DCHS2: variants seen among roughly 807,000 people sequenced by gnomAD.
DCHS2 encodes the protein dachsous cadherin-related 2, also known as protocadherin-23.
Under a neutral mutation model 182.4 loss-of-function variants are expected in DCHS2, and 142 were observed. That is an observed-to-expected ratio of 0.78 (90% CI 0.68 to 0.89). The LOEUF (loss-of-function observed/expected upper bound fraction) is 0.89. DCHS2 is among the 40% of genes least tolerant of loss of function. The pLI, the probability that DCHS2 is intolerant of heterozygous loss-of-function variation, is 0.00. For missense variants in DCHS2, 4,319 were observed against 4,198.6 expected (o/e 1.03, Z -0.79); for synonymous variants, 1,740 against 1,663.3 (o/e 1.05, Z -1.12).
intron 13 of DCHS2, chr4:154,272,236 A>C (rs576146707): frequency 6.7e-6 from 1 of 149,960 alleles, no homozygotes; most frequent in East Asian, 2.0e-4. Flanking sequence ...ATTCATACAC[A>C]AGTGTGTGTG....
chr4:154,417,718 C>T (rs1732934232), intron 1 of DCHS2, among the ~76,000 whole-genome samples: 1 of 152,168 alleles, frequency 6.6e-6, no homozygotes, highest in Non-Finnish European at 1.5e-5. Flanking sequence ...AAAAAGTGTC[C>T]TGGTTCTGTG....
chr4:154,329,036 A>T (rs931589561), intron 6 of DCHS2, among the ~76,000 whole-genome samples: 1 of 152,238 alleles, frequency 6.6e-6, no homozygotes, highest in African/African-American at 2.4e-5. Flanking sequence ...AATGAAAAAG[A>T]TGAGATAATA....
chr4:154,259,812 T>A, intron 14 of DCHS2, 56 bp from the exon 15 acceptor site: 2 of 1,471,772 alleles, frequency 1.4e-6, no homozygotes, highest in Non-Finnish European at 1.8e-6. Context: ...TATTCTTTTA[T>A]TTTTTATTTT....
chr4:154,307,591 C>A (rs931790956), intron 10 of DCHS2, among the ~76,000 whole-genome samples: 9 of 152,214 alleles, frequency 5.9e-5, no homozygotes, highest in African/African-American at 1.9e-4. Flanking sequence ...ATTCCTCTAG[C>A]AACCTTGCAT....
At chr4:154,404,788 T>C (rs1185124775) in intron 1 of DCHS2, among the ~76,000 whole-genome samples, 1 of 152,254 alleles carries the variant, frequency 6.6e-6, no homozygotes, top group Non-Finnish European at 1.5e-5. Flanking sequence ...TCTGTGGTAA[T>C]AATTTTTGTC....
chr4:154,257,779 T>C (rs1403111788), intron 15 of DCHS2, among the ~76,000 whole-genome samples: 3 of 152,224 alleles, frequency 2.0e-5, no homozygotes, highest in African/African-American at 4.8e-5. Context: ...GCTAGCTTCC[T>C]GGGAACTCAA....
rs1204871792 is a variant in DCHS2 at position 154,451,185 on chromosome 4, G to A, written c.2052+38119C>T. On this transcript the variant is annotated intron_variant, in intron 1 of 19. Transcript: ENST00000357232. ...GATACAATGGCTTGAAGTGCCAGAGGCAGACAGGGATACTGTCTGGAGCCT... is the reference window on the plus strand; with the variant it reads ...GATACAATGGCTTGAAGTGCCAGAGACAGACAGGGATACTGTCTGGAGCCT... Among the ~76,000 whole-genome samples, 46 of 152,178 alleles carry A rather than the reference G, an allele frequency of 3.0e-4. 1 individual carries two copies. Among genetic ancestry groups the A allele is most frequent in the Admixed American group, 3.0e-3 (46 of 15,280 alleles).
At chr4:154,309,005 T>A (rs796460491) in intron 10 of DCHS2, among the ~76,000 whole-genome samples, 14 of 152,272 alleles carry the variant, frequency 9.2e-5, no homozygotes, top group African/African-American at 3.4e-4. Flanking sequence ...CTTACCACAG[T>A]CCACAAAGTC....
At position 154,366,429 on chromosome 4, in the gene DCHS2, C is replaced by T. The variant is rs765375386; in HGVS notation, c.2257G>A (p.Ala753Thr). 1.2e-6 allele frequency: 2 copies of T among 1,612,320 alleles called. No individual in the cohort carries two copies. The highest frequency in any genetic ancestry group is 4.5e-5 in the East Asian group (2 of 44,784). ...VEAKDGGGLS[A>T]QAFVRVDLED... ...AGGTCCACACGAACAAAGGCTTGGG[C>T]ACTTAGCCCACCCTGGTGGATGAAT... The change falls in exon 3 of 20, where the codon GCC becomes ACC. Residue 753 changes from alanine (A) to threonine (T), a missense_variant. Transcript: ENST00000357232.
chr4:154,490,958 C>A lies in DCHS2; in HGVS notation c.398G>T (p.Arg133Leu). Residue 133 changes from arginine (R) to leucine (L), a missense_variant, in exon 1 of 20, where the codon CGC becomes CTC. Physicochemically the swap from Arg to Leu is moderately radical, Grantham distance 102 (BLOSUM62 -2). Coordinates refer to ENST00000357232, the MANE Select transcript of DCHS2 (RefSeq NM_001358235.2). ...GAAGCTGTAGTGGTCCCGCCGCTCGCGGTCCAGGCGCCGCGCAGTGCGGAT... is the reference window on the plus strand; with the variant it reads ...GAAGCTGTAGTGGTCCCGCCGCTCGAGGTCCAGGCGCCGCGCAGTGCGGAT... ...GIIRTARRLD[R>L]ERRDHYSFVA... The A allele has an allele frequency of 6.4e-7, 1 of 1,550,396 alleles. No individual in the cohort carries two copies. The highest frequency in any genetic ancestry group is 8.7e-7 in the Non-Finnish European group (1 of 1,146,304).
intron 3 of DCHS2, chr4:154,354,957 G>A (rs1729791693): frequency 6.6e-6 from 1 of 151,738 alleles, no homozygotes. Context: ...GAAAATTTAG[G>A]AAGCTCCTAT....
At chr4:154,427,485 C>A (rs1439360630) in intron 1 of DCHS2, among the ~76,000 whole-genome samples, 1 of 152,236 alleles carries the variant, frequency 6.6e-6, no homozygotes, top group Non-Finnish European at 1.5e-5. Context: ...CCCGACCACG[C>A]AGCAACCCCA....
intron 10 of DCHS2, among the ~76,000 whole-genome samples, chr4:154,311,228 T>TTTTTC (rs772070366): frequency 2.0e-5 from 3 of 152,078 alleles, no homozygotes; most frequent in Admixed American, 2.0e-4. Flanking sequence ...AGGAAGATCA[T>TTTTTC]TTTTCTTTTC....
At chr4:154,459,017 A>C (rs998441623) in intron 1 of DCHS2, among the ~76,000 whole-genome samples, 2 of 152,222 alleles carry the variant, frequency 1.3e-5, no homozygotes, top group African/African-American at 4.8e-5. Context: ...TGCTTTCATC[A>C]ACTGACCCCA....
At chr4:154,303,852 G>A (rs1290644691) in intron 12 of DCHS2, among the ~76,000 whole-genome samples, 1 of 152,080 alleles carries the variant, frequency 6.6e-6, no homozygotes, top group African/African-American at 2.4e-5. Context: ...AGTAAATCTG[G>A]TGAAATGCAC....
intron 14 of DCHS2, among the ~76,000 whole-genome samples, chr4:154,263,992 G>C (rs1319678479): frequency 2.0e-5 from 3 of 151,306 alleles, no homozygotes; most frequent in African/African-American, 7.3e-5. Context: ...TTGAAAGGGA[G>C]AAAAAAAATC....
chr4:154,328,426 C>T (rs910432543), intron 6 of DCHS2, among the ~76,000 whole-genome samples: 3 of 152,122 alleles, frequency 2.0e-5, no homozygotes, highest in African/African-American at 7.2e-5. Context: ...GGCATCTGAA[C>T]TAATTCTGAC....
At chr4:154,470,437 A>G (rs903430974) in intron 1 of DCHS2, among the ~76,000 whole-genome samples, 1 of 151,590 alleles carries the variant, frequency 6.6e-6, no homozygotes, top group African/African-American at 2.4e-5. Flanking sequence ...GCAGTGAGCC[A>G]TGATTGCACC....
intron 10 of DCHS2, among the ~76,000 whole-genome samples, chr4:154,312,002 T>G (rs1046297449): frequency 7.6e-4 from 116 of 151,942 alleles, no homozygotes; most frequent in African/African-American, 2.6e-3. Context: ...TATAATAGAA[T>G]TTTTTAATAT....
Sources: allele counts gnomAD v4.1 joint callset (sites outside exome capture counted in the v4.1 genomes callset), GRCh38; gene constraint gnomAD v4.1.1; transcripts MANE v1.5; gene names NCBI Gene and HGNC (gene_info 2026-07-23, HGNC 2026-07-21).